PPP2R2B: variants seen among roughly 807,000 people sequenced by gnomAD.
PPP2R2B encodes the protein serine/threonine-protein phosphatase 2A 55 kDa regulatory subunit B beta isoform.
In PPP2R2B, 5 loss-of-function variants were observed where a neutral mutation model predicts 46.0. That is an observed-to-expected ratio of 0.11 (90% CI 0.06 to 0.23). The LOEUF (loss-of-function observed/expected upper bound fraction) is 0.23. Ranked by LOEUF, PPP2R2B falls within the 10% of genes least tolerant of loss-of-function variation. The probability of loss-of-function intolerance (pLI) is 1.00; values close to 1 mark genes in which losing one functional copy is unlikely to be tolerated. For missense variants in PPP2R2B, 367 were observed against 575.0 expected, an observed-to-expected ratio of 0.64 and a Z score of 3.70; for synonymous variants, 215 against 206.7, an observed-to-expected ratio of 1.04 and a Z score of -0.34.
chr5:147,055,549 C>T (rs1757043073), intron 1 of PPP2R2B: 2 of 884,052 alleles, frequency 2.3e-6, no homozygotes, highest in Admixed American at 2.2e-5. Context: ...CAAGCTTTTG[C>T]CAGGAATGAC....
chr5:146,690,410 A>G (rs1778776620), intron 5 of PPP2R2B, among the ~76,000 whole-genome samples: 1 of 152,172 alleles, frequency 6.6e-6, no homozygotes. Context: ...TCAAATTGCA[A>G]CTCTCCAACA....
intron 1 of PPP2R2B, chr5:147,055,635 A>AC (rs776941257): frequency 1.3e-6 from 2 of 1,574,832 alleles, no homozygotes; most frequent in African/African-American, 2.7e-5. Flanking sequence ...TTTCCCACCC[A>AC]CCCAGACACT....
intron 6 of PPP2R2B, among the ~76,000 whole-genome samples, chr5:146,647,205 G>T (rs1201925041): frequency 2.2e-4 from 2 of 9,118 alleles, no homozygotes; most frequent in Non-Finnish European, 4.2e-4. Flanking sequence ...TGATGGTTAT[G>T]TTTTTTGACG....
chr5:146,782,344 A>T (rs1213115853), intron 2 of PPP2R2B, among the ~76,000 whole-genome samples: 2 of 152,248 alleles, frequency 1.3e-5, no homozygotes, highest in Non-Finnish European at 2.9e-5. Context: ...AAATAAAAAT[A>T]AAGACACCAT....
intron 1 of PPP2R2B, among the ~76,000 whole-genome samples, chr5:147,047,007 T>A (rs922406982): frequency 1.3e-5 from 2 of 152,024 alleles, no homozygotes; most frequent in Non-Finnish European, 1.5e-5. Flanking sequence ...CACCACCAAG[T>A]TTCATTATAT....
intron 1 of PPP2R2B, among the ~76,000 whole-genome samples, chr5:147,030,838 A>AT (rs1404276405): frequency 6.6e-6 from 1 of 151,974 alleles, no homozygotes; most frequent in African/African-American, 2.4e-5. Flanking sequence ...ATTTCTGTTC[A>AT]TTTTTCTATC....
intron 1 of PPP2R2B, among the ~76,000 whole-genome samples, chr5:146,988,667 A>G (rs1391017493): frequency 6.6e-6 from 1 of 151,942 alleles, no homozygotes; most frequent in African/African-American, 2.4e-5. Context: ...AAATATTAAA[A>G]AGATCTGAAA....
At chr5:147,057,142 G>T (rs990701484), upstream of PPP2R2B, among the ~76,000 whole-genome samples, 1 of 152,298 alleles carries the variant, frequency 6.6e-6, no homozygotes, top group East Asian at 1.9e-4. Context: ...TCATTAGAGT[G>T]CCAGGACAGA....
chr5:146,926,232 C>A (rs1028990112), intron 1 of PPP2R2B, among the ~76,000 whole-genome samples: 6 of 151,970 alleles, frequency 3.9e-5, no homozygotes, highest in Non-Finnish European at 7.4e-5. Context: ...TGCAACGACT[C>A]TGAATTCTGA....
intron 1 of PPP2R2B, among the ~76,000 whole-genome samples, chr5:146,949,921 C>A (rs899366147): frequency 6.6e-6 from 1 of 151,832 alleles, no homozygotes; most frequent in Non-Finnish European, 1.5e-5. Context: ...GAAAGACAAA[C>A]AATTGAACTC....
At chr5:146,911,386 G>A (rs1763177848) in intron 1 of PPP2R2B, among the ~76,000 whole-genome samples, 1 of 152,010 alleles carries the variant, frequency 6.6e-6, no homozygotes, top group South Asian at 2.1e-4. Context: ...CCAGCCTCTT[G>A]ACTTTTAAAA....
chr5:146,700,389 A>G (rs552410586), intron 3 of PPP2R2B, among the ~76,000 whole-genome samples: 3 of 152,180 alleles, frequency 2.0e-5, no homozygotes, highest in Non-Finnish European at 4.4e-5. Context: ...AATTTATATG[A>G]AAAAGAGAAA....
At chr5:147,041,508 G>A (rs1756298451) in intron 1 of PPP2R2B, among the ~76,000 whole-genome samples, 1 of 152,020 alleles carries the variant, frequency 6.6e-6, no homozygotes, top group Non-Finnish European at 1.5e-5. Flanking sequence ...TCCATACCCT[G>A]AACTAGACAT....
chr5:146,709,012 T>A (rs1780064692), intron 2 of PPP2R2B, among the ~76,000 whole-genome samples: 1 of 152,250 alleles, frequency 6.6e-6, no homozygotes, highest in South Asian at 2.1e-4. Flanking sequence ...TGATTACACA[T>A]GCCACATGCT....
chr5:146,706,807 G>A (rs1779889487), intron 2 of PPP2R2B: 9 of 884,564 alleles, frequency 1.0e-5, no homozygotes. Flanking sequence ...TGCGGTTGGC[G>A]ATCTCCTCGT....
chr5:146,685,443 G>A (rs1349212685), intron 5 of PPP2R2B, among the ~76,000 whole-genome samples: 1 of 152,242 alleles, frequency 6.6e-6, no homozygotes, highest in Non-Finnish European at 1.5e-5. Context: ...CTATTAGTAA[G>A]CCTAAACCAA....
chr5:146,897,344 T>C (rs73796037), intron 1 of PPP2R2B, among the ~76,000 whole-genome samples: 1,847 of 152,314 alleles, frequency 0.012, 42 homozygotes, highest in African/African-American at 0.042. Flanking sequence ...CATCACACCC[T>C]GGGTGGATAC....
At chr5:146,952,216 T>C (rs1751647450) in intron 1 of PPP2R2B, among the ~76,000 whole-genome samples, 1 of 152,102 alleles carries the variant, frequency 6.6e-6, no homozygotes, top group Non-Finnish European at 1.5e-5. Context: ...AAATCCTTTT[T>C]TTGGGATGAC....
intron 5 of PPP2R2B, among the ~76,000 whole-genome samples, chr5:146,678,387 G>A (rs994266464): frequency 1.8e-4 from 26 of 143,762 alleles, no homozygotes; most frequent in Non-Finnish European, 2.4e-4. Flanking sequence ...TTGATGGGAC[G>A]TATTTCAAAA....
Sources: gnomAD v4.1 joint callset for allele counts (sites outside exome capture counted in the v4.1 genomes callset) on GRCh38, gnomAD v4.1.1 for gene constraint, MANE v1.5 for transcripts, NCBI Gene and HGNC (gene_info 2026-07-23, HGNC 2026-07-21) for gene names.